The following PPP1R7 variants were observed in gnomAD, a reference collection of about 807,000 sequenced individuals.
PPP1R7 encodes the protein protein phosphatase 1 regulatory subunit 22.
In PPP1R7, 18 loss-of-function variants were observed where a neutral mutation model predicts 45.2. The ratio of observed to expected loss-of-function variants is 0.40; its 90% CI spans 0.28 to 0.59. PPP1R7 has a LOEUF of 0.59. Among genes scored for constraint, PPP1R7 ranks in the 20% least tolerant of loss-of-function variants. PPP1R7 has a pLI of 0.46. For missense variants in PPP1R7, 314 were observed against 455.8 expected, an observed-to-expected ratio of 0.69 and a Z score of 2.83; for synonymous variants, 181 against 183.4, an observed-to-expected ratio of 0.99 and a Z score of 0.11.
At chr2:241,151,155 CAT>C (rs772739136) in intron 1 of PPP1R7, among the ~76,000 whole-genome samples, 1 of 152,214 alleles carries the variant, frequency 6.6e-6, no homozygotes, top group Non-Finnish European at 1.5e-5. Context: ...TATACGTACA[CAT>C]GTGTTTATAA....
At chr2:241,173,133 G>T (rs181907814) in intron 9 of PPP1R7, among the ~76,000 whole-genome samples, 2 of 151,826 alleles carry the variant, frequency 1.3e-5, no homozygotes, top group African/African-American at 2.4e-5. Flanking sequence ...TTAGCTGGGC[G>T]TGGTGGCACG....
chr2:241,167,002 C>A (rs749959289), intron 8 of PPP1R7: 2 of 1,583,296 alleles, frequency 1.3e-6, no homozygotes, highest in South Asian at 2.2e-5. Context: ...CCTGTCCTCA[C>A]CTGTTCATGC....
chr2:241,156,974 G>C (rs1343135439), intron 2 of PPP1R7, among the ~76,000 whole-genome samples: 2 of 152,162 alleles, frequency 1.3e-5, no homozygotes, highest in Non-Finnish European at 2.9e-5. Flanking sequence ...ATGCGTGTGT[G>C]TGTGCATCTG....
At chr2:241,175,425 G>T (rs1204799842) in intron 9 of PPP1R7, among the ~76,000 whole-genome samples, 4 of 152,162 alleles carry the variant, frequency 2.6e-5, no homozygotes, top group Non-Finnish European at 5.9e-5. Flanking sequence ...CTGGAATCAT[G>T]CAGTATTTAT....
At chr2:241,171,203 G>A (rs2067809420) in intron 9 of PPP1R7, among the ~76,000 whole-genome samples, 1 of 152,206 alleles carries the variant, frequency 6.6e-6, no homozygotes. Flanking sequence ...ACAGGCAGGG[G>A]CCAACCTGGG....
rs60135098 is a variant in PPP1R7, at chr2:241,174,678, C to CT, written c.906+4825dup. Among the ~76,000 whole-genome samples, 488 of 144,722 alleles carry CT rather than the reference C, an allele frequency of 3.4e-3. 1 individual carries two copies. Among genetic ancestry groups the CT allele is most frequent in the East Asian group, 5.0e-3 (25 of 5,022 alleles). 94.9% of individuals were successfully genotyped at this position (144,722 alleles called of 152,430 possible). On this transcript the variant is annotated intron_variant, in intron 9 of 9. Coordinates refer to ENST00000234038, the MANE Select transcript of PPP1R7 (RefSeq NM_002712.3). ...ACAATTATTTCATATATTTTATCCT[C>CT]TTTTTTTTTTTTTTGAGATAGAGTC...
chr2:241,150,692 G>C, intron 1 of PPP1R7, 145 bp downstream of exon 1: 1 of 1,253,402 alleles, frequency 8.0e-7, no homozygotes, highest in Non-Finnish European at 1.0e-6. Context: ...GCCGGACCCG[G>C]GGGAGCGGGG....
chr2:241,163,471 GT>G, intron 7 of PPP1R7, 70 bp downstream of exon 7: 3 of 1,080,952 alleles, frequency 2.8e-6, no homozygotes, highest in Non-Finnish European at 4.2e-6. Context: ...CACAATCTTA[GT>G]TTTTATCCTT....
At chr2:241,175,248 T>C (rs1378207535) in intron 9 of PPP1R7, among the ~76,000 whole-genome samples, 1 of 152,240 alleles carries the variant, frequency 6.6e-6, no homozygotes, top group East Asian at 1.9e-4. Flanking sequence ...AGCACATTCG[T>C]AATGGTGCAC....
intron 7 of PPP1R7, among the ~76,000 whole-genome samples, chr2:241,165,872 C>T (rs1207249807): frequency 6.6e-5 from 10 of 151,482 alleles, no homozygotes; most frequent in African/African-American, 2.4e-4. Context: ...GCTGGGATTA[C>T]AGGCGTGAGC....
At chr2:241,154,533 CA>C (rs1294243870) in intron 2 of PPP1R7, among the ~76,000 whole-genome samples, 2 of 151,368 alleles carry the variant, frequency 1.3e-5, no homozygotes, top group East Asian at 3.9e-4. Flanking sequence ...ACTAAAAATA[CA>C]AAAAAAAGAA....
intron 8 of PPP1R7, among the ~76,000 whole-genome samples, chr2:241,168,081 G>A (rs1387210044): frequency 6.6e-6 from 1 of 152,178 alleles, no homozygotes; most frequent in Non-Finnish European, 1.5e-5. Context: ...AGTTTCTGTG[G>A]CGTTGTGTCA....
At position 241,183,554 on chromosome 2, in the gene PPP1R7, C is replaced by T. The variant is rs1042506646; in HGVS notation, c.*731C>T. On this transcript the variant is annotated 3_prime_UTR_variant, in exon 10 of 10. Coordinates refer to ENST00000234038, the MANE Select transcript of PPP1R7 (RefSeq NM_002712.3). ...CCCATTGAGCCTCTCCAAAGACGGC[C>T]TCCAAGGATCTGAACTCTTGGCCAC... is the stretch of plus-strand genomic sequence containing the variant. The T allele has an allele frequency of 1.6e-5, 7 of 429,642 alleles. No individual in the cohort carries two copies. The highest frequency in any genetic ancestry group is 1.4e-4 in the African/African-American group (7 of 48,542). 26.6% of individuals were successfully genotyped at this position (429,642 alleles called of 1,614,324 possible). A position where few individuals can be genotyped will look rare whatever the true frequency, so the allele number is the denominator to read the frequency against.
At chr2:241,157,438 G>C (rs894009347) in intron 2 of PPP1R7, among the ~76,000 whole-genome samples, 1 of 152,154 alleles carries the variant, frequency 6.6e-6, no homozygotes, top group African/African-American at 2.4e-5. Flanking sequence ...TGCAGCTCTG[G>C]GAGTCACGGA....
intron 5 of PPP1R7, among the ~76,000 whole-genome samples, chr2:241,159,588 T>C (rs1438269321): frequency 6.6e-6 from 1 of 152,220 alleles, no homozygotes; most frequent in Non-Finnish European, 1.5e-5. Context: ...AAATCTTTGA[T>C]GGGAAGGCTG....
intron 9 of PPP1R7, among the ~76,000 whole-genome samples, chr2:241,172,808 T>C (rs1288190472): frequency 6.6e-6 from 1 of 152,182 alleles, no homozygotes; most frequent in East Asian, 1.9e-4. Flanking sequence ...AATCCTTCAC[T>C]TTGATTTGTT....
intron 8 of PPP1R7, among the ~76,000 whole-genome samples, chr2:241,169,489 A>C (rs1195885032): frequency 6.6e-6 from 1 of 152,178 alleles, no homozygotes; most frequent in Non-Finnish European, 1.5e-5. Flanking sequence ...GGTCTGTCTC[A>C]ATGGACAGGG....
At chr2:241,166,952 A>G (rs1382934839) in intron 8 of PPP1R7, 3 of 1,051,652 alleles carry the variant, frequency 2.9e-6, no homozygotes, top group Non-Finnish European at 4.4e-6. Flanking sequence ...CAGTATGAGC[A>G]GCTTCCTCCT....
Position 241,166,420 on chromosome 2 carries a change from C to G in PPP1R7, c.798C>G (p.Val266=), listed in dbSNP as rs766888718. The change falls in exon 8 of 10, where the codon GTC becomes GTG. Residue 266 remains valine (V), a synonymous_variant. Transcript: ENST00000234038. ...ELYLSHNGIE[V]IEGLENNNKL... ...ACCTTAGCCACAATGGCATCGAGGT[C>G]ATCGAGGGCCTGGAGAACAATGTAA... is the stretch of plus-strand genomic sequence containing the variant. The G allele has an allele frequency of 4.3e-6, 7 of 1,613,712 alleles. No individual in the cohort carries two copies. The South Asian group carries it at 7.7e-5, about 18-fold the overall frequency.
Sources: gnomAD v4.1 joint callset for allele counts (sites outside exome capture counted in the v4.1 genomes callset) on GRCh38, gnomAD v4.1.1 for gene constraint, MANE v1.5 for transcripts, NCBI Gene and HGNC (gene_info 2026-07-23, HGNC 2026-07-21) for gene names.